Variants in EEA1 observed in about 807,000 individuals in gnomAD.
EEA1 encodes early endosome antigen 1.
In EEA1, 111 loss-of-function variants were observed where a neutral mutation model predicts 209.2. That is an observed-to-expected ratio of 0.53 (90% CI 0.45 to 0.62). EEA1 has a LOEUF of 0.62. Ranked by LOEUF, EEA1 falls within the 20% of genes least tolerant of loss-of-function variation. The pLI is 0.00. For synonymous variants in EEA1, 536 were observed against 540.6 expected (o/e 0.99, Z 0.12); for missense variants, 1,343 against 1,530.8 (o/e 0.88, Z 2.05).
chr12:92,808,763 A>G (rs1875338623), intron 18 of EEA1, among the ~76,000 whole-genome samples: 1 of 152,234 alleles, frequency 6.6e-6, no homozygotes, highest in African/African-American at 2.4e-5. Context: ...AATGAGCACC[A>G]TATCATTGTT....
chr12:92,823,513 T>A (rs1344770730), intron 13 of EEA1, among the ~76,000 whole-genome samples: 12 of 152,228 alleles, frequency 7.9e-5, no homozygotes, highest in Admixed American at 7.8e-4. Flanking sequence ...TAAAAAGTTT[T>A]CCATGGCTGC....
chr12:92,851,282 T>C lies in EEA1; in HGVS notation c.643-16A>G. On this transcript the variant is annotated splice_polypyrimidine_tract_variant and intron_variant, in intron 8 of 28. Transcript: ENST00000322349. ...GTCTCTGAAGCTGTGAAACAACACA[T>C]TTTAATTAAAAATTAAAGTGAAAAA... is the stretch of plus-strand genomic sequence containing the variant. 6.3e-7 allele frequency: 1 copy of C among 1,592,110 alleles called. No homozygotes were observed. The highest frequency in any genetic ancestry group is 1.2e-5 in the South Asian group (1 of 85,704).
At chr12:92,808,966 C>G in intron 18 of EEA1, 51 bp downstream of exon 18, 1 of 1,495,444 alleles carries the variant, frequency 6.7e-7, no homozygotes, top group Non-Finnish European at 9.0e-7. Context: ...AATTTTAATA[C>G]TTAGTTCACA....
intron 2 of EEA1, among the ~76,000 whole-genome samples, chr12:92,879,867 A>G (rs1415073509): frequency 6.6e-6 from 1 of 152,176 alleles, no homozygotes; most frequent in African/African-American, 2.4e-5. Context: ...AGCCCTTCTG[A>G]TCACAGGGAC....
At chr12:92,780,679 G>A (rs530681990) in intron 23 of EEA1, among the ~76,000 whole-genome samples, 4 of 152,020 alleles carry the variant, frequency 2.6e-5, no homozygotes, top group Non-Finnish European at 5.9e-5. Flanking sequence ...GCAAAACTAC[G>A]ATTCTTACTC....
At chr12:92,899,089 A>T (rs1199747358) in intron 1 of EEA1, among the ~76,000 whole-genome samples, 1 of 151,098 alleles carries the variant, frequency 6.6e-6, no homozygotes, top group African/African-American at 2.4e-5. Flanking sequence ...TCAATAAAGT[A>T]CTAAAGATGA....
chr12:92,775,871 C>G lies in EEA1; in HGVS notation c.*140G>C. On this transcript the variant is annotated 3_prime_UTR_variant, in exon 29 of 29. Coordinates refer to ENST00000322349, the MANE Select transcript of EEA1 (RefSeq NM_003566.4). ...GAAGAGTTTTACTTGATATCCATAACATTCCAAAATATACTAATTCCTATT... is the reference window on the plus strand; with the variant it reads ...GAAGAGTTTTACTTGATATCCATAAGATTCCAAAATATACTAATTCCTATT... The G allele has an allele frequency of 1.3e-6, 1 of 771,958 alleles. No homozygotes were observed. The highest frequency in any genetic ancestry group is 1.8e-6 in the Non-Finnish European group (1 of 544,146). The allele number at this position is 771,958 out of a possible 1,614,324, so 47.8% of individuals were successfully genotyped here. A position where few individuals can be genotyped will look rare whatever the true frequency, so the allele number is the denominator to read the frequency against.
chr12:92,929,118 G>A lies in EEA1; in HGVS notation c.-52C>T, dbSNP rs768386937. 9.7e-6 allele frequency: 15 copies of A among 1,553,484 alleles called. No homozygotes were observed. In the South Asian group the frequency reaches 1.8e-4, roughly 18 times the overall value. On this transcript the variant is annotated 5_prime_UTR_variant, in exon 1 of 29. Coordinates refer to ENST00000322349, the MANE Select transcript of EEA1 (RefSeq NM_003566.4). ...CGGTGACTCTCCAGACCCTGCGCGGGGCCACTCACTACTCGGGGTGCGCGG... is the reference window on the plus strand; with the variant it reads ...CGGTGACTCTCCAGACCCTGCGCGGAGCCACTCACTACTCGGGGTGCGCGG...
intron 2 of EEA1, among the ~76,000 whole-genome samples, chr12:92,877,001 TGGCAC>T (rs1167316869): frequency 2.7e-5 from 4 of 150,590 alleles, no homozygotes; most frequent in Non-Finnish European, 5.9e-5. Flanking sequence ...TGGTGTGCAG[TGGCAC>T]GAACTCAGCT....
chr12:92,849,805 C>T (rs534330125), intron 9 of EEA1, among the ~76,000 whole-genome samples: 3 of 152,148 alleles, frequency 2.0e-5, no homozygotes, highest in South Asian at 4.2e-4. Context: ...TTTTAGATCA[C>T]CAGTTACAAA....
intron 13 of EEA1, among the ~76,000 whole-genome samples, chr12:92,825,438 C>T (rs572266829): frequency 3.5e-5 from 5 of 144,720 alleles, no homozygotes; most frequent in East Asian, 2.0e-4. Context: ...CCAGCCTGGG[C>T]GAAAGAGCAA....
intron 10 of EEA1, among the ~76,000 whole-genome samples, chr12:92,835,119 G>C (rs1342933406): frequency 6.6e-6 from 1 of 151,922 alleles, no homozygotes; most frequent in Non-Finnish European, 1.5e-5. Flanking sequence ...CTGACCTCAT[G>C]ATCCGCCCAC....
intron 3 of EEA1, chr12:92,858,975 T>C (rs921562348): frequency 5.8e-6 from 4 of 690,442 alleles, no homozygotes; most frequent in Admixed American, 2.2e-5. Flanking sequence ...CAGCTGCCTA[T>C]GCTGCTCATT....
chr12:92,865,085 C>A, intron 2 of EEA1, 98 bp from the exon 3 acceptor site: 1 of 928,384 alleles, frequency 1.1e-6, no homozygotes, highest in Non-Finnish European at 1.5e-6. Context: ...TGAATCATAC[C>A]AATGGTGCCA....
chr12:92,891,706 C>T lies in EEA1; in HGVS notation c.40G>A (p.Gly14Ser). The change falls in exon 2 of 29, where the codon GGC (glycine) becomes AGC (serine). Residue 14 changes from glycine to serine, a missense_variant. Coordinates refer to ENST00000322349, the MANE Select transcript of EEA1 (RefSeq NM_003566.4). The part of the protein sequence containing the change: ...RILQRTPGRV[G>S]SQGSDLDSSA... Reference sequence around the variant, plus strand: ...GAATCTAAATCAGAACCTTGAGAGCCAACTCTCCCAGGAGTCTGGAACACA... The same window carrying T: ...GAATCTAAATCAGAACCTTGAGAGCTAACTCTCCCAGGAGTCTGGAACACA... 1 of 1,609,594 alleles carries T rather than the reference C, an allele frequency of 6.2e-7. No homozygotes were observed.
intron 1 of EEA1, among the ~76,000 whole-genome samples, chr12:92,928,366 G>A (rs572763509): frequency 6.6e-6 from 1 of 152,304 alleles, no homozygotes; most frequent in East Asian, 1.9e-4. Flanking sequence ...CAAGCTTACT[G>A]CGGATTTATT....
chr12:92,807,640 T>C (rs1875279459), intron 18 of EEA1, among the ~76,000 whole-genome samples: 1 of 152,022 alleles, frequency 6.6e-6, no homozygotes, highest in South Asian at 2.1e-4. Flanking sequence ...ATACTAGTCA[T>C]AAGTGGAAAA....
intron 16 of EEA1, 73 bp downstream of exon 16, chr12:92,812,907 T>A (rs1875588184): frequency 9.5e-7 from 1 of 1,053,538 alleles, no homozygotes; most frequent in Non-Finnish European, 1.3e-6. Flanking sequence ...CTGGGTATCA[T>A]CTTTACATGT....
rs559383033 is a variant in EEA1, at chr12:92,914,900, G to A, written c.24+14143C>T. 7.9e-5 allele frequency among the ~76,000 whole-genome samples: 12 copies of A among 152,114 alleles called. No individual in the cohort carries two copies. In the East Asian group the frequency reaches 1.2e-3, roughly 15 times the overall value. On this transcript the variant is annotated intron_variant, in intron 1 of 28. Transcript: ENST00000322349. ...GCTGGTCTTGAACTCTTGACCTCAG[G>A]TGATCCACCTGCCTCGGCTTCCCAA...
Sources: allele counts gnomAD v4.1 joint callset (sites outside exome capture counted in the v4.1 genomes callset), GRCh38; gene constraint gnomAD v4.1.1; transcripts MANE v1.5; gene names NCBI Gene and HGNC (gene_info 2026-07-23, HGNC 2026-07-21).